The following FYCO1 variants were observed in gnomAD, a reference collection of about 807,000 sequenced individuals.
FYCO1 encodes FYVE and coiled-coil domain-containing protein 1.
In FYCO1, 122 loss-of-function variants were observed where a neutral mutation model predicts 165.1. That is an observed-to-expected ratio of 0.74 (90% CI 0.64 to 0.86). The LOEUF is 0.86. Ranked by LOEUF, FYCO1 falls within the 40% of genes least tolerant of loss-of-function variation. FYCO1 has a pLI of 0.00. For missense variants in FYCO1, 1,702 were observed against 1,810.3 expected (o/e 0.94, Z 1.09); for synonymous variants, 648 against 742.5 (o/e 0.87, Z 2.07).
intron 14 of FYCO1, 130 bp from the exon 15 acceptor site, chr3:45,936,673 C>T (rs1354853046): frequency 8.2e-6 from 6 of 733,482 alleles, no homozygotes; most frequent in Non-Finnish European, 1.2e-5. Context: ...ATCATAGAGG[C>T]CATGACAGAG....
rs1018644225 is a variant in FYCO1, at chr3:45,920,115, A to G, written c.*1650T>C. Reference sequence around the variant, plus strand: ...CTGGAAGTGCTCAACTCTCCTGTTTAAAGGTCTGAGTCCATTCCAGAAATG... The same window carrying G: ...CTGGAAGTGCTCAACTCTCCTGTTTGAAGGTCTGAGTCCATTCCAGAAATG... On this transcript the variant is annotated 3_prime_UTR_variant, in exon 18 of 18. Transcript: ENST00000296137. The G allele has an allele frequency of 2.6e-5, 4 of 152,356 alleles. No homozygotes were observed. The highest frequency in any genetic ancestry group is 9.6e-5 in the African/African-American group (4 of 41,564). The allele number at this position is 152,356 out of a possible 1,614,324, so 9.4% of individuals were successfully genotyped here.
In FYCO1 at chr3:45,968,670, T is replaced by G; in HGVS notation, c.664A>C (p.Ser222Arg). The G allele has an allele frequency of 6.2e-7, 1 of 1,614,214 alleles. No individual in the cohort carries two copies. The highest frequency in any genetic ancestry group is 1.6e-4 in the Middle Eastern group (1 of 6,062). Reference sequence around the variant, plus strand: ...TCCAATGCCTCGTTGTTTAGGGGGCTGTTCAGGTCAAAGTTGGACACCATC... The same window carrying G: ...TCCAATGCCTCGTTGTTTAGGGGGCGGTTCAGGTCAAAGTTGGACACCATC... ...QEMVSNFDLN[S>R]PLNNEALEGF... Residue 222 changes from serine (S) to arginine (R), a missense_variant, in exon 8 of 18, where the codon AGC becomes CGC. Physicochemically the swap from Ser to Arg is moderately radical, Grantham distance 110. Coordinates refer to ENST00000296137, the MANE Select transcript of FYCO1 (RefSeq NM_024513.4).
intron 14 of FYCO1, among the ~76,000 whole-genome samples, chr3:45,953,703 GGATCCAGGTCACT>G (rs1365856668): frequency 6.6e-6 from 1 of 152,192 alleles, no homozygotes; most frequent in African/African-American, 2.4e-5. Flanking sequence ...AAGGTTCAGT[GGATCCAGGTCACT>G]GATTAAAAGC....
intron 1 of FYCO1, among the ~76,000 whole-genome samples, chr3:45,994,657 C>G (rs572166330): frequency 9.2e-5 from 14 of 152,168 alleles, no homozygotes; most frequent in Admixed American, 9.2e-4. Context: ...ACCCCTCCCC[C>G]ACACCAGCCC....
At chr3:45,986,427 A>G (rs1707321893) in intron 1 of FYCO1, among the ~76,000 whole-genome samples, 2 of 152,310 alleles carry the variant, frequency 1.3e-5, no homozygotes, top group South Asian at 4.1e-4. Flanking sequence ...CACCCCAGCC[A>G]CAAGCTCCTC....
chr3:45,991,454 C>G (rs1440274905), intron 1 of FYCO1, among the ~76,000 whole-genome samples: 1 of 152,152 alleles, frequency 6.6e-6, no homozygotes, highest in Non-Finnish European at 1.5e-5. Flanking sequence ...CTTCTTGTCC[C>G]TCCTCCTTCC....
chr3:45,923,574 G>A (rs1703186162), intron 17 of FYCO1, 82 bp downstream of exon 17: 1 of 858,540 alleles, frequency 1.2e-6, no homozygotes, highest in Admixed American at 1.7e-5. Context: ...CAAATAATTG[G>A]TTTTGAGTGT....
intron 1 of FYCO1, among the ~76,000 whole-genome samples, 176 bp downstream of exon 1, chr3:45,995,546 T>G (rs1220158771): frequency 6.6e-6 from 1 of 152,156 alleles, no homozygotes; most frequent in Non-Finnish European, 1.5e-5. Flanking sequence ...CCGAGGTGCT[T>G]CCCGGCCCGC....
At chr3:45,991,841 A>G (rs372266516) in intron 1 of FYCO1, among the ~76,000 whole-genome samples, 1 of 152,234 alleles carries the variant, frequency 6.6e-6, no homozygotes, top group South Asian at 2.1e-4. Flanking sequence ...ATGTGACTGC[A>G]TTTGAAGACA....
chr3:45,977,810 A>C (rs1199229059), intron 4 of FYCO1, among the ~76,000 whole-genome samples: 1 of 152,152 alleles, frequency 6.6e-6, no homozygotes, highest in East Asian at 1.9e-4. Flanking sequence ...GTCTGAGGGA[A>C]CCTACAAATG....
intron 14 of FYCO1, chr3:45,947,498 G>C: frequency 6.2e-7 from 1 of 1,613,542 alleles, no homozygotes; most frequent in Non-Finnish European, 8.5e-7. Context: ...CCACCAGCAT[G>C]TTCCAGTTAT....
At position 45,969,765 on chromosome 3, in the gene FYCO1, C is replaced by T. The variant is rs758159694; in HGVS notation, c.540G>A (p.Arg180=). 2.1e-5 allele frequency: 34 copies of T among 1,613,152 alleles called. No individual in the cohort carries two copies. Among genetic ancestry groups the T allele is most frequent in the Non-Finnish European group, 2.8e-5 (33 of 1,179,698 alleles). Residue 180 remains arginine, a splice_region_variant and synonymous_variant, in exon 7 of 18, where the codon AGG becomes AGA. Transcript: ENST00000296137. ...CAGAAGAGCCAGTGGTCAGCGTCCTCCTGTGGGGCCACAAAACAGACATAC... is the reference window on the plus strand; with the variant it reads ...CAGAAGAGCCAGTGGTCAGCGTCCTTCTGTGGGGCCACAAAACAGACATAC... The part of the protein sequence containing the change: ...DLDAAWPTFA[R]RTLTTGSSAY...
chr3:45,991,790 A>G (rs1180584096), intron 1 of FYCO1, among the ~76,000 whole-genome samples: 2 of 152,206 alleles, frequency 1.3e-5, no homozygotes, highest in African/African-American at 4.8e-5. Context: ...ACACCACCCC[A>G]CCGCATTTCG....
At chr3:45,972,305 A>T (rs1169237018) in intron 6 of FYCO1, among the ~76,000 whole-genome samples, 2 of 152,192 alleles carry the variant, frequency 1.3e-5, no homozygotes, top group African/African-American at 4.8e-5. Flanking sequence ...AAATAAAAAT[A>T]AAAAAAGGAC....
rs771593688 is a variant in FYCO1, at chr3:45,968,074, G to A, written c.1260C>T (p.Val420=). The change falls in exon 8 of 18, where the codon GTC becomes GTT. Residue 420 remains valine, a synonymous_variant. Coordinates refer to ENST00000296137, the MANE Select transcript of FYCO1 (RefSeq NM_024513.4). The stretch of plus-strand genomic sequence containing the variant: ...CCAGTTGGGCACTCTGCTGTCTGTT[G>A]ACCTCCTCGACCTTGGTTCTCTCCC... ...LERERTKVEE[V]NRQQSAQLEQ... 3 of 1,614,100 alleles carry A rather than the reference G, an allele frequency of 1.9e-6. No homozygotes were observed. In the Admixed American group the frequency reaches 5.0e-5, roughly 27 times the overall value.
At chr3:45,963,106 AC>A (rs1314382159) in intron 10 of FYCO1, among the ~76,000 whole-genome samples, 1 of 151,938 alleles carries the variant, frequency 6.6e-6, no homozygotes, top group East Asian at 1.9e-4. Flanking sequence ...CTGCAGAGAG[AC>A]TGATTACTTT....
At chr3:45,972,152 A>G (rs1706480444) in intron 6 of FYCO1, among the ~76,000 whole-genome samples, 1 of 152,218 alleles carries the variant, frequency 6.6e-6, no homozygotes, top group Non-Finnish European at 1.5e-5. Flanking sequence ...TCAAAATGTA[A>G]AAGTTTTAAA....
intron 5 of FYCO1, among the ~76,000 whole-genome samples, chr3:45,973,775 C>T (rs1397019391): frequency 2.0e-5 from 3 of 152,146 alleles, no homozygotes; most frequent in Non-Finnish European, 4.4e-5. Flanking sequence ...TAAAAAGATG[C>T]ATCAGAACAC....
At chr3:45,987,126 C>A (rs1707352755) in intron 1 of FYCO1, among the ~76,000 whole-genome samples, 1 of 152,158 alleles carries the variant, frequency 6.6e-6, no homozygotes. Flanking sequence ...GTCAAAGAAG[C>A]CTCTCAAACC....
Sources: gnomAD v4.1 joint callset for allele counts (sites outside exome capture counted in the v4.1 genomes callset) on GRCh38, gnomAD v4.1.1 for gene constraint, MANE v1.5 for transcripts, NCBI Gene and HGNC (gene_info 2026-07-23, HGNC 2026-07-21) for gene names.